The following CD163L1 variants were observed in gnomAD, a reference collection of about 807,000 sequenced individuals.
CD163L1 encodes the protein scavenger receptor cysteine-rich type 1 protein M160.
In CD163L1, 124 loss-of-function variants were observed where a neutral mutation model predicts 165.4. That is an observed-to-expected ratio of 0.75 (90% CI 0.65 to 0.87). The LOEUF is 0.87. CD163L1 is among the 40% of genes least tolerant of loss of function. The pLI is 0.00. For synonymous variants in CD163L1, 585 were observed against 662.2 expected (o/e 0.88, Z 1.79); for missense variants, 1,525 against 1,799.9 (o/e 0.85, Z 2.76).
intron 2 of CD163L1, among the ~76,000 whole-genome samples, chr12:7,438,401 T>C (rs763994566): frequency 3.3e-5 from 5 of 152,164 alleles, no homozygotes; most frequent in Non-Finnish European, 5.9e-5. Flanking sequence ...GTTAATGTAG[T>C]TTGTGTCCTA....
chr12:7,366,178 A>G (rs531992794), intron 18 of CD163L1, among the ~76,000 whole-genome samples: 11 of 152,160 alleles, frequency 7.2e-5, no homozygotes, highest in Non-Finnish European at 1.3e-4. Flanking sequence ...TCTCATTCAT[A>G]TGTGGGAGCT....
At chr12:7,339,930 T>C in the CD163L1 span, among the ~76,000 whole-genome samples, 1 of 152,166 alleles carries the variant, frequency 6.6e-6, no homozygotes, top group East Asian at 1.9e-4. Context: ...TATGAGATCA[T>C]CATACAAACA....
At chr12:7,325,981 G>A in the CD163L1 span, among the ~76,000 whole-genome samples, 2 of 152,162 alleles carry the variant, frequency 1.3e-5, no homozygotes, top group East Asian at 1.9e-4. Flanking sequence ...GTTTCTTCCT[G>A]CCACCATGTT....
At chr12:7,349,479 A>C (rs1462328152) in intron 4 of CD163L1, among the ~76,000 whole-genome samples, 1 of 152,228 alleles carries the variant, frequency 6.6e-6, no homozygotes, top group African/African-American at 2.4e-5. Flanking sequence ...AAATTATCCT[A>C]GTAATGGTCA....
the CD163L1 span, among the ~76,000 whole-genome samples, chr12:7,340,330 T>C: frequency 1.3e-5 from 2 of 152,184 alleles, no homozygotes; most frequent in African/African-American, 4.8e-5. Context: ...AAGGGAAGAA[T>C]GGTACCACAT....
intron 2 of CD163L1, among the ~76,000 whole-genome samples, chr12:7,440,807 A>G (rs1216005984): frequency 1.3e-5 from 2 of 151,810 alleles, no homozygotes; most frequent in African/African-American, 2.4e-5. Flanking sequence ...TTGTATTTTT[A>G]ATAGAGATGT....
At chr12:7,425,918 T>C (rs567688656) in intron 4 of CD163L1, among the ~76,000 whole-genome samples, 21 of 152,220 alleles carry the variant, frequency 1.4e-4, no homozygotes, top group Non-Finnish European at 2.8e-4. Flanking sequence ...GAAATACCAT[T>C]TGACCCATCA....
intron 4 of CD163L1, among the ~76,000 whole-genome samples, chr12:7,416,332 G>A (rs1313263341): frequency 9.2e-5 from 14 of 152,058 alleles, no homozygotes; most frequent in African/African-American, 3.1e-4. Context: ...TTGTCAGAAG[G>A]ATAGGTTGCA....
At chr12:7,376,746 A>G (rs953565461) in intron 9 of CD163L1, among the ~76,000 whole-genome samples, 1 of 152,078 alleles carries the variant, frequency 6.6e-6, no homozygotes, top group African/African-American at 2.4e-5. Flanking sequence ...TGTTTTCTGT[A>G]TTTTCAAAGT....
intron 4 of CD163L1, among the ~76,000 whole-genome samples, chr12:7,421,891 C>T (rs1948447524): frequency 6.6e-6 from 1 of 151,810 alleles, no homozygotes; most frequent in Non-Finnish European, 1.5e-5. Flanking sequence ...GAGAATAGAG[C>T]AGCAGATCCT....
intron 8 of CD163L1, among the ~76,000 whole-genome samples, chr12:7,393,719 C>T (rs1425421089): frequency 6.6e-6 from 1 of 152,208 alleles, no homozygotes; most frequent in Non-Finnish European, 1.5e-5. Context: ...GCAACTTCAG[C>T]AAAGTCTCAG....
intron 2 of CD163L1, chr12:7,438,748 G>T: frequency 1.6e-6 from 2 of 1,238,650 alleles, no homozygotes; most frequent in East Asian, 4.8e-5. Flanking sequence ...CACTCAACAC[G>T]GGTTTTCTGC....
chr12:7,333,979 G>A, the CD163L1 span, among the ~76,000 whole-genome samples: 3 of 152,234 alleles, frequency 2.0e-5, no homozygotes, highest in East Asian at 1.9e-4. Context: ...AACAGGCTCT[G>A]AAATTGAGGC....
chr12:7,417,971 A>G (rs927789049), intron 4 of CD163L1, among the ~76,000 whole-genome samples: 1 of 151,056 alleles, frequency 6.6e-6, no homozygotes, highest in Non-Finnish European at 1.5e-5. Context: ...AATTGATTAA[A>G]TTCTCTAATG....
At chr12:7,333,321 T>C in the CD163L1 span, among the ~76,000 whole-genome samples, 131 of 152,220 alleles carry the variant, frequency 8.6e-4, 1 homozygote, top group Non-Finnish European at 1.6e-3. Context: ...AAACTAGAAC[T>C]CAGGATTAAG....
At chr12:7,319,255 A>T in the CD163L1 span, among the ~76,000 whole-genome samples, 14 of 152,240 alleles carry the variant, frequency 9.2e-5, no homozygotes, top group South Asian at 1.5e-3. Flanking sequence ...ATCTAATGCC[A>T]CCATTGACCT....
chr12:7,389,701 G>A (rs1947604486), intron 8 of CD163L1, among the ~76,000 whole-genome samples: 1 of 151,876 alleles, frequency 6.6e-6, no homozygotes, highest in Admixed American at 6.6e-5. Flanking sequence ...AAATGCTTGA[G>A]GGGATGGAAA....
intron 5 of CD163L1, among the ~76,000 whole-genome samples, chr12:7,405,711 T>C (rs750772273): frequency 4.2e-4 from 64 of 152,298 alleles, no homozygotes; most frequent in African/African-American, 1.5e-3. Context: ...AGGCATCCTG[T>C]GTAAGGCTGG....
chr12:7,420,757 A>C (rs192369711), intron 4 of CD163L1, among the ~76,000 whole-genome samples: 101 of 152,050 alleles, frequency 6.6e-4, no homozygotes, highest in Non-Finnish European at 1.2e-3. Context: ...GAGAATATAA[A>C]CTAGTACAAC....
Sources: gnomAD v4.1 joint callset for allele counts (sites outside exome capture counted in the v4.1 genomes callset) on GRCh38, gnomAD v4.1.1 for gene constraint, MANE v1.5 for transcripts, NCBI Gene and HGNC (gene_info 2026-07-23, HGNC 2026-07-21) for gene names.